SLC4A10: variants seen among roughly 807,000 people sequenced by gnomAD.
SLC4A10 encodes sodium-driven chloride bicarbonate exchanger.
A neutral mutation model predicts 137.7 loss-of-function variants in SLC4A10; 42 were observed. The observed-to-expected ratio is 0.30, with a 90% CI of 0.24 to 0.39. SLC4A10 has a LOEUF of 0.39. Among genes scored for constraint, SLC4A10 ranks in the 10% least tolerant of loss-of-function variants. The pLI, the probability that SLC4A10 is intolerant of heterozygous loss-of-function variation, is 1.00. For missense variants in SLC4A10, 925 were observed against 1,355.0 expected (o/e 0.68, Z 4.98); for synonymous variants, 474 against 464.1 (o/e 1.02, Z -0.27).
intron 19 of SLC4A10, among the ~76,000 whole-genome samples, chr2:161,954,519 C>T (rs1418281666): frequency 6.6e-6 from 1 of 152,128 alleles, no homozygotes; most frequent in Non-Finnish European, 1.5e-5. Context: ...AGTTCTCTGT[C>T]TGACAAAGGG....
At chr2:161,827,552 G>A (rs1017105532) in intron 3 of SLC4A10, among the ~76,000 whole-genome samples, 1 of 150,400 alleles carries the variant, frequency 6.6e-6, no homozygotes, top group African/African-American at 2.4e-5. Flanking sequence ...ATAATCATCA[G>A]TAATATTATG....
intron 15 of SLC4A10, among the ~76,000 whole-genome samples, chr2:161,927,845 T>C (rs1031566495): frequency 2.0e-5 from 3 of 152,150 alleles, no homozygotes; most frequent in South Asian, 2.1e-4. Flanking sequence ...CCACTTAGAA[T>C]GGCAATCATT....
chr2:161,776,688 C>A (rs1374163461), intron 2 of SLC4A10, among the ~76,000 whole-genome samples: 1 of 151,748 alleles, frequency 6.6e-6, no homozygotes, highest in African/African-American at 2.4e-5. Context: ...ATCTTGTTTG[C>A]AATTCTTTTG....
intron 12 of SLC4A10, among the ~76,000 whole-genome samples, chr2:161,902,366 A>T (rs1683314364): frequency 6.6e-6 from 1 of 152,188 alleles, no homozygotes. Context: ...TTTTGGGATT[A>T]GGTGGGATAT....
At chr2:161,649,361 G>GA (rs2036494469) in intron 1 of SLC4A10, among the ~76,000 whole-genome samples, 1 of 152,014 alleles carries the variant, frequency 6.6e-6, no homozygotes, top group Non-Finnish European at 1.5e-5. Context: ...ACCTTGTCTC[G>GA]AAAAAAATTG....
chr2:161,764,734 C>A (rs114656665), intron 1 of SLC4A10, among the ~76,000 whole-genome samples: 1 of 151,926 alleles, frequency 6.6e-6, no homozygotes, highest in Admixed American at 6.6e-5. Flanking sequence ...CAATGAAATG[C>A]GGTGGCCCAT....
At chr2:161,939,555 CT>C (rs2105733931) in intron 15 of SLC4A10, among the ~76,000 whole-genome samples, 1 of 152,232 alleles carries the variant, frequency 6.6e-6, no homozygotes, top group Admixed American at 6.5e-5. Context: ...AGGTAACTGT[CT>C]TTACATTCCA....
chr2:161,700,835 G>C (rs1303744783), intron 1 of SLC4A10, among the ~76,000 whole-genome samples: 1 of 152,066 alleles, frequency 6.6e-6, no homozygotes, highest in African/African-American at 2.4e-5. Flanking sequence ...GCGCTCTGTA[G>C]TGTCTACATT....
chr2:161,878,108 T>C (rs571448647), intron 8 of SLC4A10, among the ~76,000 whole-genome samples: 2 of 152,220 alleles, frequency 1.3e-5, no homozygotes, highest in African/African-American at 4.8e-5. Context: ...AAAAGAACTA[T>C]CTAGGCTAAA....
At chr2:161,925,698 A>G (rs1183061153) in intron 15 of SLC4A10, among the ~76,000 whole-genome samples, 3 of 151,742 alleles carry the variant, frequency 2.0e-5, no homozygotes, top group Admixed American at 6.6e-5. Flanking sequence ...TAGTGCTATA[A>G]ACTTCCCTCT....
chr2:161,938,629 A>T (rs1156341774), intron 15 of SLC4A10, among the ~76,000 whole-genome samples: 1 of 151,636 alleles, frequency 6.6e-6, no homozygotes, highest in Non-Finnish European at 1.5e-5. Flanking sequence ...TATAATTATC[A>T]TTGAGAAGGG....
rs61288054 is a variant in SLC4A10 at position 161,840,838 on chromosome 2, C to T, written c.416+911C>T. Among the ~76,000 whole-genome samples, 1,171 of 152,226 alleles carry T rather than the reference C, an allele frequency of 7.7e-3. 59 individuals carry two copies. The East Asian group carries it at 0.13, about 17-fold the overall frequency. ...TTAGTAGGCCTCAGGCATAGTCAGA[C>T]CATGAGGATGTCGTGTAAAATGTTT... On this transcript the variant is annotated intron_variant, in intron 4 of 26. Transcript: ENST00000446997.
chr2:161,754,879 T>C (rs1445958359), intron 1 of SLC4A10, among the ~76,000 whole-genome samples: 2 of 152,164 alleles, frequency 1.3e-5, no homozygotes, highest in African/African-American at 2.4e-5. Flanking sequence ...TTTTCAATAC[T>C]TCACATTTTT....
At chr2:161,698,674 A>G (rs1158887320) in intron 1 of SLC4A10, among the ~76,000 whole-genome samples, 1 of 152,136 alleles carries the variant, frequency 6.6e-6, no homozygotes, top group East Asian at 1.9e-4. Context: ...ATCATGGTGG[A>G]TAAGCTTTCT....
chr2:161,643,488 G>A (rs1486002923), intron 1 of SLC4A10, among the ~76,000 whole-genome samples: 1 of 151,876 alleles, frequency 6.6e-6, no homozygotes, highest in Non-Finnish European at 1.5e-5. Context: ...CTTATAATAT[G>A]GCATATATAC....
Position 161,906,025 on chromosome 2 carries a change from C to A in SLC4A10, c.1997+138C>A, listed in dbSNP as rs995872005. 4.4e-6 allele frequency: 5 copies of A among 1,129,834 alleles called. No individual in the cohort carries two copies. In the African/African-American group the frequency reaches 7.9e-5, roughly 18 times the overall value. The allele number at this position is 1,129,834 out of a possible 1,614,324, so 70.0% of individuals were successfully genotyped here. A position where few individuals can be genotyped will look rare whatever the true frequency, so the allele number is the denominator to read the frequency against. On this transcript the variant is annotated intron_variant, in intron 15 of 26. Coordinates refer to ENST00000446997, the MANE Select transcript of SLC4A10 (RefSeq NM_001178015.2). ...TGACCTAAATCCTGACTCTCAGAGTCGAACAGGATTTTAAAAGTTATTTAA... is the reference window on the plus strand; with the variant it reads ...TGACCTAAATCCTGACTCTCAGAGTAGAACAGGATTTTAAAAGTTATTTAA...
In SLC4A10 at chr2:161,894,688, G is replaced by C; in HGVS notation, c.1204G>C (p.Asp402His). 2 of 1,401,328 alleles carry C rather than the reference G, an allele frequency of 1.4e-6. No individual in the cohort carries two copies. Among genetic ancestry groups the C allele is most frequent in the Non-Finnish European group, 1.9e-6 (2 of 1,068,188 alleles). The allele number at this position is 1,401,328 out of a possible 1,614,324, so 86.8% of individuals were successfully genotyped here. The change falls in exon 11 of 27, where the codon GAT becomes CAT. Residue 402 changes from aspartate to histidine, a missense_variant. Around this residue, in one of 11 missense-constraint regions of SLC4A10, gnomAD observed 277 missense variants for 306.1 expected, o/e 0.90. Coordinates refer to ENST00000446997, the MANE Select transcript of SLC4A10 (RefSeq NM_001178015.2). The part of the protein sequence containing the change: ...ATLMTDEVFH[D>H]VAYKAKDRND... The stretch of plus-strand genomic sequence containing the variant: ...TCTATTTCTTCTAAAGGTATTTCAT[G>C]ATGTTGCCTATAAAGCTAAAGATCG...
intron 1 of SLC4A10, among the ~76,000 whole-genome samples, chr2:161,741,988 C>T (rs2047941744): frequency 6.6e-6 from 1 of 152,130 alleles, no homozygotes; most frequent in Non-Finnish European, 1.5e-5. Flanking sequence ...CTACATTTTC[C>T]AGCCTCTGGT....
At chr2:161,714,108 A>T (rs929623525) in intron 1 of SLC4A10, among the ~76,000 whole-genome samples, 32 of 151,966 alleles carry the variant, frequency 2.1e-4, no homozygotes, top group African/African-American at 7.5e-4. Flanking sequence ...TTAGAACAAT[A>T]GGAGACTCAT....
Sources: allele counts gnomAD v4.1 joint callset (sites outside exome capture counted in the v4.1 genomes callset), GRCh38; gene constraint gnomAD v4.1.1; regional missense constraint gnomAD v4.1.1; transcripts MANE v1.5; gene names NCBI Gene and HGNC (gene_info 2026-07-23, HGNC 2026-07-21).